AGBL3: variants seen among roughly 807,000 people sequenced by gnomAD.
AGBL3 encodes cytosolic carboxypeptidase 3.
A neutral mutation model predicts 94.5 loss-of-function variants in AGBL3; 68 were observed. That is an observed-to-expected ratio of 0.72 (90% confidence interval 0.59 to 0.88). The LOEUF (loss-of-function observed/expected upper bound fraction) is 0.88, where lower values mean the gene tolerates loss of function less well. AGBL3 is among the 40% of genes least tolerant of loss of function. AGBL3 has a pLI of 0.00. For synonymous variants in AGBL3, 354 were observed against 370.7 expected (o/e 0.95, Z 0.52); for missense variants, 934 against 1,103.8 (o/e 0.85, Z 2.18).
At chr7:135,120,250 T>C (rs983641585) in intron 16 of AGBL3, among the ~76,000 whole-genome samples, 2 of 152,232 alleles carry the variant, frequency 1.3e-5, no homozygotes, top group African/African-American at 4.8e-5. Context: ...TCATATTTGA[T>C]GGTTGAAGCA....
At position 135,034,364 on chromosome 7, in the gene AGBL3, G is replaced by C. The variant is rs1421085881; in HGVS notation, c.773G>C (p.Arg258Thr). ...EAKAHHIGWQRIGDQIKYYRN... is the reference protein window; with the variant it reads ...EAKAHHIGWQTIGDQIKYYRN... ...AAGGCTCATCACATTGGCTGGCAGA[G>C]AATAGGAGACCAAATCAAGTATTAT... is the stretch of plus-strand genomic sequence containing the variant. The change falls in exon 7 of 17, where the codon AGA becomes ACA. Residue 258 changes from arginine (R) to threonine (T), a missense_variant. By Grantham distance (71) the Arg-to-Thr change is moderately conservative. Coordinates refer to ENST00000436302, the MANE Select transcript of AGBL3 (RefSeq NM_178563.4). The C allele has an allele frequency of 6.4e-7, 1 of 1,551,648 alleles. No individual in the cohort carries two copies. The highest frequency in any genetic ancestry group is 2.0e-5 in the Admixed American group (1 of 50,986).
chr7:135,103,433 T>TA (rs1267668720), intron 15 of AGBL3, among the ~76,000 whole-genome samples: 7 of 152,204 alleles, frequency 4.6e-5, no homozygotes, highest in African/African-American at 1.7e-4. Flanking sequence ...CCATATGAGT[T>TA]AGAGTATAGA....
chr7:135,108,334 T>C (rs900398406), intron 15 of AGBL3, among the ~76,000 whole-genome samples: 3 of 152,196 alleles, frequency 2.0e-5, no homozygotes, highest in African/African-American at 7.2e-5. Context: ...TTAAGTGTTT[T>C]GGCTGGTATT....
At chr7:135,005,112 T>TC (rs1297512662) in intron 4 of AGBL3, among the ~76,000 whole-genome samples, 2 of 151,588 alleles carry the variant, frequency 1.3e-5, no homozygotes, top group African/African-American at 4.8e-5. Context: ...CATCTATCCA[T>TC]CCCTCTCTTT....
chr7:135,025,479 G>T (rs1397784659), intron 5 of AGBL3, among the ~76,000 whole-genome samples: 1 of 151,556 alleles, frequency 6.6e-6, no homozygotes, highest in African/African-American at 2.4e-5. Context: ...AATGATACCT[G>T]CTACCACAAA....
chr7:135,060,219 T>C (rs1818702608), intron 12 of AGBL3, among the ~76,000 whole-genome samples: 1 of 152,244 alleles, frequency 6.6e-6, no homozygotes, highest in Non-Finnish European at 1.5e-5. Context: ...ACAGTTTTAC[T>C]AAATGTATCA....
At chr7:135,011,747 C>A (rs984372811) in intron 4 of AGBL3, 1 of 152,116 alleles carries the variant, frequency 6.6e-6, no homozygotes, top group African/African-American at 2.4e-5. Context: ...AGAAACCTTG[C>A]AAGGTTAAAT....
chr7:134,987,827 G>A, intron 1 of AGBL3, 48 bp from the exon 2 acceptor site: 1 of 772,336 alleles, frequency 1.3e-6, no homozygotes, highest in Non-Finnish European at 2.1e-6. Flanking sequence ...ATTTAATGTA[G>A]TAAACACCTA....
intron 2 of AGBL3, among the ~76,000 whole-genome samples, chr7:134,988,521 T>C (rs936722735): frequency 2.0e-5 from 3 of 152,218 alleles, no homozygotes; most frequent in Non-Finnish European, 4.4e-5. Flanking sequence ...CTTCAAATTT[T>C]ATTAAAGTAT....
intron 8 of AGBL3, among the ~76,000 whole-genome samples, chr7:135,040,519 CTG>C (rs1391905525): frequency 6.6e-6 from 1 of 151,674 alleles, no homozygotes; most frequent in Non-Finnish European, 1.5e-5. Context: ...AGAAGAAAAA[CTG>C]TGTGATCTCG....
intron 11 of AGBL3, among the ~76,000 whole-genome samples, chr7:135,055,712 T>C (rs1038603721): frequency 2.0e-5 from 3 of 152,188 alleles, no homozygotes; most frequent in African/African-American, 7.2e-5. Context: ...GACATATTGG[T>C]GTAGTTTTTC....
At position 134,989,246 on chromosome 7, in the gene AGBL3, T is replaced by G; in HGVS notation, c.64-4T>G. On this transcript the variant is annotated splice_polypyrimidine_tract_variant and splice_region_variant and intron_variant, in intron 2 of 16. Coordinates refer to ENST00000436302, the MANE Select transcript of AGBL3 (RefSeq NM_178563.4). ...AGAGAAATATTTTTAAATTCTTATT[T>G]TAGGATGAGGATATGTTCATGAAAT... 6.5e-7 allele frequency: 1 copy of G among 1,536,870 alleles called. No individual in the cohort carries two copies. Among genetic ancestry groups the G allele is most frequent in the Non-Finnish European group, 8.8e-7 (1 of 1,139,762 alleles).
intron 4 of AGBL3, among the ~76,000 whole-genome samples, chr7:135,003,984 T>G (rs1369451514): frequency 1.3e-5 from 2 of 151,638 alleles, no homozygotes; most frequent in African/African-American, 2.4e-5. Flanking sequence ...CAAAAAATAT[T>G]TAATAATGTT....
At position 135,045,876 on chromosome 7, in the gene AGBL3, A is replaced by C. The variant is rs1172508484; in HGVS notation, c.1806A>C (p.Thr602=). The change falls in exon 11 of 17, where the codon ACA becomes ACC. Residue 602 remains threonine (T), a synonymous_variant. Transcript: ENST00000436302. ...TLEKVFEDSD[T]PVIDITLDVE... ...AAAAAGTCTTTGAGGATTCAGACAC[A>C]CCTGTGATAGACATTACATTGGATG... 1.3e-6 allele frequency: 2 copies of C among 1,550,302 alleles called. No homozygotes were observed. The highest frequency in any genetic ancestry group is 4.9e-5 in the East Asian group (2 of 40,884).
At position 135,033,781 on chromosome 7, in the gene AGBL3, T is replaced by C. The variant is rs150165827; in HGVS notation, c.558-368T>C. On this transcript the variant is annotated intron_variant, in intron 6 of 16. Transcript: ENST00000436302. ...AGTATTAGACTGTAATAGATACATATGTCTGAAGTAAAAAAAGAAATGTTG... is the reference window on the plus strand; with the variant it reads ...AGTATTAGACTGTAATAGATACATACGTCTGAAGTAAAAAAAGAAATGTTG... Among the ~76,000 whole-genome samples the C allele has an allele frequency of 2.3e-4, 35 of 152,284 alleles. No individual in the cohort carries two copies. The East Asian group carries it at 6.2e-3, about 27-fold the overall frequency.
At chr7:134,998,840 A>G (rs896502167) in intron 4 of AGBL3, among the ~76,000 whole-genome samples, 1 of 152,188 alleles carries the variant, frequency 6.6e-6, no homozygotes, top group Non-Finnish European at 1.5e-5. Context: ...TGGAAAAAAA[A>G]AGAAAAGTTG....
At chr7:135,024,213 A>G (rs1814833450) in intron 5 of AGBL3, among the ~76,000 whole-genome samples, 1 of 152,188 alleles carries the variant, frequency 6.6e-6, no homozygotes, top group Non-Finnish European at 1.5e-5. Flanking sequence ...GACTCCTACA[A>G]GGCCCAGAGC....
At chr7:135,080,917 C>G (rs1392732571) in intron 14 of AGBL3, among the ~76,000 whole-genome samples, 1 of 139,754 alleles carries the variant, frequency 7.2e-6, no homozygotes, top group South Asian at 2.5e-4. Context: ...ACCTATTTCC[C>G]AAAAGGATTT....
chr7:135,001,288 CAA>C (rs1328090021), intron 4 of AGBL3, among the ~76,000 whole-genome samples: 1 of 152,124 alleles, frequency 6.6e-6, no homozygotes, highest in Non-Finnish European at 1.5e-5. Flanking sequence ...TCTGCCATGT[CAA>C]AGAGTCCCAG....
Sources: gnomAD v4.1 joint callset for allele counts (sites outside exome capture counted in the v4.1 genomes callset) on GRCh38, gnomAD v4.1.1 for gene constraint, MANE v1.5 for transcripts, NCBI Gene and HGNC (gene_info 2026-07-23, HGNC 2026-07-21) for gene names.